PLAUR: variants seen among roughly 807,000 people sequenced by gnomAD.
The protein encoded by PLAUR is plasminogen activator, urokinase receptor.
In PLAUR, 22 loss-of-function variants were observed where a neutral mutation model predicts 33.4. That is an observed-to-expected ratio of 0.66 (90% CI 0.47 to 0.94). PLAUR has a LOEUF of 0.94. Among genes scored for constraint, PLAUR ranks in the 40% least tolerant of loss-of-function variants. The pLI is 0.00. For synonymous variants in PLAUR, 148 were observed against 167.3 expected (o/e 0.88, Z 0.89); for missense variants, 408 against 434.7 (o/e 0.94, Z 0.55).
intron 2 of PLAUR, among the ~76,000 whole-genome samples, chr19:43,666,543 T>TTCTC (rs890793710): frequency 4.4e-4 from 62 of 140,842 alleles, no homozygotes; most frequent in African/African-American, 1.5e-3. Flanking sequence ...CTCTCTCTCT[T>TTCTC]TCTCTCTCTC....
intron 3 of PLAUR, among the ~76,000 whole-genome samples, chr19:43,664,933 T>A (rs2146275821): frequency 6.6e-6 from 1 of 152,184 alleles, no homozygotes; most frequent in East Asian, 1.9e-4. Context: ...CATACAAACA[T>A]GCAGGATGGG....
chr19:43,659,185 G>C (rs1415274490), intron 3 of PLAUR, among the ~76,000 whole-genome samples: 1 of 2,050 alleles, frequency 4.9e-4, no homozygotes, highest in Non-Finnish European at 1.4e-3. Flanking sequence ...TTTTTTTTGA[G>C]ATAGGGTCTT....
chr19:43,663,436 T>A (rs541089851), intron 3 of PLAUR, among the ~76,000 whole-genome samples: 122 of 151,312 alleles, frequency 8.1e-4, no homozygotes, highest in Non-Finnish European at 1.6e-3. Flanking sequence ...AAGTACTGAG[T>A]GCAGTTTAAC....
chr19:43,660,205 G>A (rs1014247760), intron 3 of PLAUR, among the ~76,000 whole-genome samples: 2 of 150,512 alleles, frequency 1.3e-5, no homozygotes, highest in Admixed American at 6.6e-5. Context: ...TTGCCCTCTC[G>A]CTCAGGCTGG....
chr19:43,670,018 T>C, intron 1 of PLAUR, 48 bp downstream of exon 1: 1 of 1,580,848 alleles, frequency 6.3e-7, no homozygotes, highest in East Asian at 2.3e-5. Flanking sequence ...CCCAACCCCC[T>C]CAATTAGACC....
At chr19:43,655,369 T>C (rs958519004) in intron 5 of PLAUR, 70 bp downstream of exon 5, 79 of 1,504,108 alleles carry the variant, frequency 5.3e-5, no homozygotes, top group Middle Eastern at 3.5e-4. Flanking sequence ...AGAGAGTGAC[T>C]GCGCAGCTGT....
intron 6 of PLAUR, among the ~76,000 whole-genome samples, chr19:43,649,811 CCTTT>C (rs1973919675): frequency 6.6e-6 from 1 of 151,986 alleles, no homozygotes; most frequent in Non-Finnish European, 1.5e-5. Context: ...CCCCAGAGAC[CCTTT>C]CAGGAGATCT....
intron 1 of PLAUR, chr19:43,667,936 G>A (rs958324558): frequency 2.9e-6 from 4 of 1,359,706 alleles, no homozygotes; most frequent in South Asian, 3.3e-5. Flanking sequence ...TCCTGCCTTG[G>A]CCCGTTTTTC....
intron 6 of PLAUR, among the ~76,000 whole-genome samples, chr19:43,650,457 C>T (rs1170156970): frequency 6.6e-6 from 1 of 151,830 alleles, no homozygotes; most frequent in Non-Finnish European, 1.5e-5. Context: ...TCCCAAGCAG[C>T]TGGGACTACA....
chr19:43,657,717 G>T (rs1279821490), intron 3 of PLAUR, among the ~76,000 whole-genome samples: 2 of 152,234 alleles, frequency 1.3e-5, no homozygotes, highest in Non-Finnish European at 2.9e-5. Context: ...GGCAGGGCCA[G>T]GGGCTGTCTT....
rs761914709 is a variant in PLAUR at position 43,670,089 on chromosome 19, AGCAGCAGCG to A, written c.23_31del (p.Pro8_Leu10del). The A allele has an allele frequency of 2.9e-5, 47 of 1,613,186 alleles. 4 individuals carry two copies. The South Asian group carries it at 4.6e-4, about 16-fold the overall frequency. ...ACCTGGGACGCAGGTGTGGAGCAGC[AGCAGCAGCG>A]GCAGCAGCGGCGGGTGACCCATGTC... On this transcript the variant is annotated inframe_deletion, in exon 1 of 7. Transcript: ENST00000340093.
At chr19:43,651,372 T>G (rs1224860393) in intron 6 of PLAUR, among the ~76,000 whole-genome samples, 1 of 152,032 alleles carries the variant, frequency 6.6e-6, no homozygotes, top group South Asian at 2.1e-4. Flanking sequence ...CCACCACTCC[T>G]GGTTCTCAGT....
intron 2 of PLAUR, 25 bp downstream of exon 2, chr19:43,667,556 G>T: frequency 2.0e-6 from 3 of 1,484,528 alleles, no homozygotes; most frequent in Non-Finnish European, 1.9e-6. Context: ...CGCTGGAGGG[G>T]TGTGTGGGTT....
At position 43,656,548 on chromosome 19, in the gene PLAUR, G is replaced by A. The variant is rs768660126; in HGVS notation, c.403C>T (p.Leu135=). ...TGTTCTTCAGGGCTGCGGCACTGCA[G>A]GCTCTGGTGCCGGCCCCTCTCACAG... ...MSCERGRHQS[L]QCRSPEEQCL... The change falls in exon 4 of 7, where the codon CTG becomes TTG. Residue 135 remains leucine (L), a synonymous_variant. Coordinates refer to ENST00000340093, the MANE Select transcript of PLAUR (RefSeq NM_002659.4). 6 of 1,613,108 alleles carry A rather than the reference G, an allele frequency of 3.7e-6. No individual in the cohort carries two copies. In the South Asian group the frequency reaches 6.6e-5, roughly 18 times the overall value.
rs1335766555 is a variant in PLAUR at position 43,666,368 on chromosome 19, G to A, written c.167-909C>T. Among the ~76,000 whole-genome samples, 3 of 152,076 alleles carry A rather than the reference G, an allele frequency of 2.0e-5. No individual in the cohort carries two copies. In the East Asian group the frequency reaches 5.8e-4, roughly 29 times the overall value. On this transcript the variant is annotated intron_variant, in intron 2 of 6. Transcript: ENST00000340093. ...GCTCTATTTCCTTCTTTAAGCTGCA[G>A]TAGAGCGCTCCATTATGTAATTATT...
At chr19:43,647,835 G>A (rs4251934), downstream of PLAUR, among the ~76,000 whole-genome samples, 18,130 of 150,926 alleles carry the variant, frequency 0.12, 2,067 homozygotes, top group African/African-American at 0.3. Flanking sequence ...AAAGAAAAAG[G>A]AAAAGGAAAG....
At chr19:43,667,926 T>C (rs1183535244) in intron 1 of PLAUR, 2 of 1,377,242 alleles carry the variant, frequency 1.5e-6, no homozygotes, top group Admixed American at 6.1e-5. Context: ...TTTCCCAAAG[T>C]CCTGCCTTGG....
intron 6 of PLAUR, 73 bp downstream of exon 6, chr19:43,652,152 A>T: frequency 1.3e-6 from 2 of 1,584,620 alleles, no homozygotes; most frequent in Non-Finnish European, 1.7e-6. Context: ...CTCCAGCTTA[A>T]CTGGAAGTCA....
chr19:43,667,282 G>A, intron 2 of PLAUR: 1 of 428,200 alleles, frequency 2.3e-6, no homozygotes, highest in East Asian at 4.5e-5. Flanking sequence ...TTTCTGCATG[G>A]CGAGGAGTTG....
Sources: allele counts gnomAD v4.1 joint callset (sites outside exome capture counted in the v4.1 genomes callset), GRCh38; gene constraint gnomAD v4.1.1; transcripts MANE v1.5; gene names NCBI Gene and HGNC (gene_info 2026-07-23, HGNC 2026-07-21).